The following PLEKHA1 variants were observed in gnomAD, a reference collection of about 807,000 sequenced individuals.
PLEKHA1 encodes the protein pleckstrin homology domain containing A1, also known as pleckstrin homology domain-containing family A member 1.
A neutral mutation model predicts 52.0 loss-of-function variants in PLEKHA1; 34 were observed. The observed-to-expected ratio is 0.65, with a 90% CI of 0.50 to 0.87. The LOEUF (loss-of-function observed/expected upper bound fraction) is 0.87. Ranked by LOEUF, PLEKHA1 falls within the 40% of genes least tolerant of loss-of-function variation. The pLI, the probability that PLEKHA1 is intolerant of heterozygous loss-of-function variation, is 0.00. For missense variants in PLEKHA1, 497 were observed against 504.2 expected (o/e 0.99, Z 0.14); for synonymous variants, 163 against 170.7 (o/e 0.95, Z 0.35).
intron 1 of PLEKHA1, among the ~76,000 whole-genome samples, chr10:122,385,115 C>T (rs1354567079): frequency 6.6e-6 from 1 of 152,010 alleles, no homozygotes; most frequent in Non-Finnish European, 1.5e-5. Flanking sequence ...GAAGTATCCT[C>T]ATGCCACTTA....
At chr10:122,403,678 A>G (rs1005758601) in intron 4 of PLEKHA1, among the ~76,000 whole-genome samples, 1 of 150,868 alleles carries the variant, frequency 6.6e-6, no homozygotes, top group African/African-American at 2.4e-5. Flanking sequence ...AATACACCAC[A>G]TTTCAGTAAC....
At chr10:122,428,992 C>G (rs971708928) in intron 11 of PLEKHA1, among the ~76,000 whole-genome samples, 4 of 152,002 alleles carry the variant, frequency 2.6e-5, no homozygotes, top group Non-Finnish European at 4.4e-5. Context: ...CCTTTGTTAC[C>G]TTTAAAATAT....
Position 122,415,880 on chromosome 10 carries a change from G to A in PLEKHA1, c.490G>A (p.Gly164Ser), listed in dbSNP as rs1186651641. 2 of 1,611,412 alleles carry A rather than the reference G, an allele frequency of 1.2e-6. No individual in the cohort carries two copies. The highest frequency in any genetic ancestry group is 1.7e-6 in the Non-Finnish European group (2 of 1,178,410). ...TTAGAAAGAAGAAGTAAATGAATGT[G>A]GTGAAAGTATTGACAGAAATAATCT... ...PTQKEEVNEC[G>S]ESIDRNNLKR... The change falls in exon 7 of 12, where the codon GGT (glycine) becomes AGT (serine). Residue 164 changes from glycine (G) to serine (S), a missense_variant. Coordinates refer to ENST00000368990, the MANE Select transcript of PLEKHA1 (RefSeq NM_001001974.4).
chr10:122,424,960 G>C lies in PLEKHA1; in HGVS notation c.810+1G>C. ...AACGTCTCGAACTTTCTATGTGCAG[G>C]TAAGATGCTTATTTGGCAATTAATA... On this transcript the variant is annotated splice_donor_variant, in intron 10 of 11. Transcript: ENST00000368990. LOFTEE classifies it high-confidence loss of function. 6.2e-7 allele frequency: 1 copy of C among 1,602,952 alleles called. No individual in the cohort carries two copies. Among genetic ancestry groups the C allele is most frequent in the Non-Finnish European group, 8.5e-7 (1 of 1,174,142 alleles).
intron 1 of PLEKHA1, among the ~76,000 whole-genome samples, chr10:122,376,147 A>G (rs1357845952): frequency 6.6e-6 from 1 of 152,196 alleles, no homozygotes; most frequent in Non-Finnish European, 1.5e-5. Context: ...TTTCTTCACA[A>G]TCTGAAGAAC....
At chr10:122,396,368 A>G (rs1365660165) in intron 2 of PLEKHA1, among the ~76,000 whole-genome samples, 1 of 152,144 alleles carries the variant, frequency 6.6e-6, no homozygotes, top group African/African-American at 2.4e-5. Flanking sequence ...CCATAAATCT[A>G]AAACGTTATA....
At chr10:122,426,594 A>G (rs1342676209) in intron 10 of PLEKHA1, among the ~76,000 whole-genome samples, 1 of 152,240 alleles carries the variant, frequency 6.6e-6, no homozygotes, top group Non-Finnish European at 1.5e-5. Context: ...ACACAACTAC[A>G]TAAATATTCT....
chr10:122,429,494 T>TTGTGTGTG (rs35620141), intron 11 of PLEKHA1, 130 bp from the exon 12 acceptor site: 27,855 of 652,976 alleles, frequency 0.043, 300 homozygotes, highest in Middle Eastern at 0.067. Flanking sequence ...GCTGCTGCCT[T>TTGTGTGTG]TGTGTGTGTG....
At chr10:122,400,279 T>G (rs1166343880) in intron 3 of PLEKHA1, 64 bp from the exon 4 acceptor site, 3 of 1,296,062 alleles carry the variant, frequency 2.3e-6, no homozygotes, top group Non-Finnish European at 3.2e-6. Flanking sequence ...GTTTACATAG[T>G]ATATAAGGTT....
Position 122,412,982 on chromosome 10 carries a change from GA to G in PLEKHA1, c.410del (p.Lys137SerfsTer24). 1 of 1,613,482 alleles carries G rather than the reference GA, an allele frequency of 6.2e-7. No individual in the cohort carries two copies. On this transcript the variant is annotated frameshift_variant, in exon 6 of 12. Coordinates refer to ENST00000368990, the MANE Select transcript of PLEKHA1 (RefSeq NM_001001974.4). LOFTEE classifies it high-confidence loss of function. ...ACCTAAGTCGCCATGGTGAATGTGG[GA>G]AAAAGCAAGTGTCTTACAGAACTGA... is the stretch of plus-strand genomic sequence containing the variant. The part of the protein sequence containing the change: ...DNLSRHGECG[K>X]KQVSYRTDIV...
At chr10:122,392,163 A>G (rs972788232) in intron 1 of PLEKHA1, 2 of 152,182 alleles carry the variant, frequency 1.3e-5, no homozygotes, top group South Asian at 2.1e-4. Flanking sequence ...AATCAGTACA[A>G]TAAAAGTTGC....
At position 122,406,323 on chromosome 10, in the gene PLEKHA1, C is replaced by T. The variant is rs138724832; in HGVS notation, c.245-253C>T. Among the ~76,000 whole-genome samples, 5 of 152,174 alleles carry T rather than the reference C, an allele frequency of 3.3e-5. No homozygotes were observed. The East Asian group carries it at 9.6e-4, about 29-fold the overall frequency. On this transcript the variant is annotated intron_variant, in intron 4 of 11. Coordinates refer to ENST00000368990, the MANE Select transcript of PLEKHA1 (RefSeq NM_001001974.4). ...TATAATTTCAAAAACCGGAAATAGCCTAAGTGTCTATCATTAGGGGATTGA... is the reference window on the plus strand; with the variant it reads ...TATAATTTCAAAAACCGGAAATAGCTTAAGTGTCTATCATTAGGGGATTGA...
At chr10:122,412,746 T>C in intron 5 of PLEKHA1, 174 bp from the exon 6 acceptor site, 1 of 638,970 alleles carries the variant, frequency 1.6e-6, no homozygotes, top group Non-Finnish European at 2.6e-6. Context: ...TTATAAAATA[T>C]TATTCTAACA....
At chr10:122,394,730 C>T (rs913008593) in intron 2 of PLEKHA1, among the ~76,000 whole-genome samples, 1 of 152,064 alleles carries the variant, frequency 6.6e-6, no homozygotes, top group Non-Finnish European at 1.5e-5. Flanking sequence ...CTCTCCTCAC[C>T]CATATGAGCC....
chr10:122,440,632 T>C, the PLEKHA1 span: 1 of 152,224 alleles, frequency 6.6e-6, no homozygotes, highest in Non-Finnish European at 1.5e-5. Context: ...TACAGTTCAT[T>C]GGAACAGAAT....
intron 5 of PLEKHA1, chr10:122,412,243 T>C (rs1425017702): frequency 6.6e-6 from 1 of 152,226 alleles, no homozygotes; most frequent in Non-Finnish European, 1.5e-5. Context: ...GATCCAAGTA[T>C]TGGAATTCCT....
downstream of PLEKHA1, chr10:122,435,433 G>A (rs969111316): frequency 1.5e-4 from 23 of 151,994 alleles, no homozygotes; most frequent in African/African-American, 4.8e-4. Context: ...GCCACCTTCT[G>A]GTTATATCAT....
chr10:122,422,240 T>C (rs764347150), intron 8 of PLEKHA1: 1 of 152,138 alleles, frequency 6.6e-6, no homozygotes, highest in Non-Finnish European at 1.5e-5. Context: ...TGGCAGCCAC[T>C]AGTAATGGTT....
At chr10:122,383,936 A>G (rs1215755103) in intron 1 of PLEKHA1, among the ~76,000 whole-genome samples, 1 of 152,188 alleles carries the variant, frequency 6.6e-6, no homozygotes, top group Non-Finnish European at 1.5e-5. Context: ...ATTTTAAAGA[A>G]ACCAGTTATC....
Sources: gnomAD v4.1 joint callset for allele counts (sites outside exome capture counted in the v4.1 genomes callset) on GRCh38, gnomAD v4.1.1 for gene constraint, MANE v1.5 for transcripts, NCBI Gene and HGNC (gene_info 2026-07-23, HGNC 2026-07-21) for gene names.